IRAK2: variants seen among roughly 807,000 people sequenced by gnomAD.
IRAK2 encodes interleukin 1 receptor associated kinase 2, also known as interleukin-1 receptor-associated kinase-like 2.
Under a neutral mutation model 72.0 loss-of-function variants are expected in IRAK2, and 57 were observed. The ratio of observed to expected loss-of-function variants is 0.79; its 90% CI spans 0.64 to 0.99. The LOEUF (loss-of-function observed/expected upper bound fraction) is 0.99, where lower values mean the gene tolerates loss of function less well. IRAK2 is among the 50% of genes least tolerant of loss of function. IRAK2 has a pLI of 0.00. For synonymous variants in IRAK2, 293 were observed against 312.7 expected, an observed-to-expected ratio of 0.94 and a Z score of 0.67; for missense variants, 790 against 794.4, an observed-to-expected ratio of 0.99 and a Z score of 0.07.
In IRAK2 at chr3:10,186,921, T is replaced by A. The variant is rs377041201; in HGVS notation, c.277+8901T>A. On this transcript the variant is annotated intron_variant, in intron 2 of 12. Coordinates refer to ENST00000256458, the MANE Select transcript of IRAK2 (RefSeq NM_001570.4). ...CTCAAACAGTCCTCTTGCTTCAGCC[T>A]CCCAAGTAGCTAGGACTATAAGTGC... Among the ~76,000 whole-genome samples the A allele has an allele frequency of 1.1e-4, 16 of 150,664 alleles. No individual in the cohort carries two copies. The East Asian group carries it at 1.2e-3, about 11-fold the overall frequency.
intron 2 of IRAK2, among the ~76,000 whole-genome samples, chr3:10,188,410 C>A (rs1216229414): frequency 1.3e-5 from 2 of 152,262 alleles, no homozygotes; most frequent in African/African-American, 4.8e-5. Flanking sequence ...TCTCGGCTCA[C>A]TGCAACCTCC....
intron 10 of IRAK2, 30 bp from the exon 11 acceptor site, chr3:10,234,429 G>A (rs1002784957): frequency 3.0e-5 from 48 of 1,598,542 alleles, no homozygotes; most frequent in Non-Finnish European, 3.7e-5. Context: ...TGCAGCTCAC[G>A]CAAGGGCGTT....
intron 9 of IRAK2, among the ~76,000 whole-genome samples, 179 bp from the exon 10 acceptor site, chr3:10,226,192 T>A (rs1697772808): frequency 6.6e-6 from 1 of 152,282 alleles, no homozygotes. Flanking sequence ...CTTGGTGGCA[T>A]CTTTAATTGG....
intron 2 of IRAK2, among the ~76,000 whole-genome samples, chr3:10,195,223 CAG>C (rs1697244595): frequency 6.6e-6 from 1 of 152,218 alleles, no homozygotes; most frequent in Non-Finnish European, 1.5e-5. Context: ...TGTGTTTTGA[CAG>C]AGAGGCAAAG....
intron 6 of IRAK2, among the ~76,000 whole-genome samples, chr3:10,215,646 A>G (rs2125157175): frequency 6.6e-6 from 1 of 152,070 alleles, no homozygotes; most frequent in East Asian, 1.9e-4. Flanking sequence ...TTGGCCTCCA[A>G]AAGTGTTGGG....
At position 10,243,605 on chromosome 3, in the gene IRAK2, A is replaced by T. The variant is rs557375008; in HGVS notation, c.*1377A>T. Reference sequence around the variant, plus strand: ...TCTGCCATGTACCTAATGATTATTCAGTGCGTATATATCTGAAAAGTCATG... The same window carrying T: ...TCTGCCATGTACCTAATGATTATTCTGTGCGTATATATCTGAAAAGTCATG... On this transcript the variant is annotated 3_prime_UTR_variant, in exon 13 of 13. Coordinates refer to ENST00000256458, the MANE Select transcript of IRAK2 (RefSeq NM_001570.4). 19 of 152,800 alleles carry T rather than the reference A, an allele frequency of 1.2e-4. No individual in the cohort carries two copies. The highest frequency in any genetic ancestry group is 2.4e-4 in the Non-Finnish European group (16 of 68,040). 9.5% of individuals were successfully genotyped at this position (152,800 alleles called of 1,614,324 possible). A position where few individuals can be genotyped will look rare whatever the true frequency, so the allele number is the denominator to read the frequency against.
intron 2 of IRAK2, 42 bp from the exon 3 acceptor site, chr3:10,200,327 C>G: frequency 6.6e-7 from 1 of 1,526,390 alleles, no homozygotes; most frequent in Admixed American, 2.0e-5. Context: ...GGCTACCCCA[C>G]TTCATGGAAT....
chr3:10,229,090 C>T (rs1055578509), intron 10 of IRAK2, among the ~76,000 whole-genome samples: 10 of 152,042 alleles, frequency 6.6e-5, no homozygotes, highest in African/African-American at 2.4e-4. Flanking sequence ...CGCATCACCA[C>T]ACCCGGCTAA....
At chr3:10,184,567 C>T (rs1473799416) in intron 2 of IRAK2, among the ~76,000 whole-genome samples, 8 of 147,884 alleles carry the variant, frequency 5.4e-5, no homozygotes. Context: ...CCAGCACACC[C>T]AAATTCCATG....
intron 1 of IRAK2, among the ~76,000 whole-genome samples, chr3:10,177,433 A>G (rs1030856158): frequency 6.6e-6 from 1 of 152,126 alleles, no homozygotes; most frequent in Non-Finnish European, 1.5e-5. Context: ...TGAACCAGGC[A>G]CTATTCTCAA....
At chr3:10,179,878 A>G (rs1449726585) in intron 2 of IRAK2, among the ~76,000 whole-genome samples, 1 of 152,098 alleles carries the variant, frequency 6.6e-6, no homozygotes. Context: ...CCATTTTTCT[A>G]TTCTGTATAG....
At chr3:10,239,912 TG>T (rs1398038626) in intron 12 of IRAK2, among the ~76,000 whole-genome samples, 3 of 151,606 alleles carry the variant, frequency 2.0e-5, no homozygotes, top group Non-Finnish European at 2.9e-5. Context: ...TTCCAGAGGC[TG>T]GGGTGGGCAG....
rs1696899694 is a variant in IRAK2, at chr3:10,177,825, C to T, written c.95-13C>T. The T allele has an allele frequency of 1.2e-6, 2 of 1,610,110 alleles. No individual in the cohort carries two copies. Among genetic ancestry groups the T allele is most frequent in the Non-Finnish European group, 1.7e-6 (2 of 1,179,824 alleles). ...TCTCTGACTCTAAGCAGAGTTCTCT[C>T]CGTCCCTTCCAGCCTCCTACGTGAT... On this transcript the variant is annotated splice_polypyrimidine_tract_variant and intron_variant, in intron 1 of 12. Coordinates refer to ENST00000256458, the MANE Select transcript of IRAK2 (RefSeq NM_001570.4).
intron 10 of IRAK2, among the ~76,000 whole-genome samples, chr3:10,227,577 C>T (rs1697799294): frequency 6.6e-6 from 1 of 152,128 alleles, no homozygotes; most frequent in African/African-American, 2.4e-5. Context: ...GGAAAGCTGG[C>T]TCTGAGTTTG....
At chr3:10,198,475 G>A (rs28473559) in intron 2 of IRAK2, among the ~76,000 whole-genome samples, 7,045 of 152,256 alleles carry the variant, frequency 0.046, 495 homozygotes, top group African/African-American at 0.15. Flanking sequence ...TGCCCTAGCT[G>A]GGTGGGAGAC....
chr3:10,181,380 C>T (rs951179533), intron 2 of IRAK2, among the ~76,000 whole-genome samples: 23 of 152,144 alleles, frequency 1.5e-4, no homozygotes, highest in East Asian at 7.7e-4. Flanking sequence ...GAGGCCGAGG[C>T]GGGTAGATCA....
intron 2 of IRAK2, among the ~76,000 whole-genome samples, chr3:10,200,035 G>A (rs192509407): frequency 1.2e-4 from 19 of 152,030 alleles, no homozygotes; most frequent in African/African-American, 4.6e-4. Context: ...CTACAGCCGT[G>A]TGCCACCATG....
At chr3:10,203,701 G>A (rs1264983765) in intron 3 of IRAK2, among the ~76,000 whole-genome samples, 1 of 152,084 alleles carries the variant, frequency 6.6e-6, no homozygotes, top group Non-Finnish European at 1.5e-5. Flanking sequence ...GCGCGATCTC[G>A]GCTCACTGCA....
At chr3:10,168,176 C>T (rs1420804233) in intron 1 of IRAK2, among the ~76,000 whole-genome samples, 1 of 151,968 alleles carries the variant, frequency 6.6e-6, no homozygotes, top group Non-Finnish European at 1.5e-5. Flanking sequence ...ACCATTTCTC[C>T]ACATCCTTGT....
Sources: allele counts gnomAD v4.1 joint callset (sites outside exome capture counted in the v4.1 genomes callset), GRCh38; gene constraint gnomAD v4.1.1; transcripts MANE v1.5; gene names NCBI Gene and HGNC (gene_info 2026-07-23, HGNC 2026-07-21).